The following RBFOX1 variants were observed in gnomAD, a reference collection of about 807,000 sequenced individuals.
RBFOX1 encodes the protein RNA binding protein fox-1 homolog 1.
Under a neutral mutation model 57.7 loss-of-function variants are expected in RBFOX1, and 8 were observed. The ratio of observed to expected loss-of-function variants is 0.14; its 90% CI spans 0.08 to 0.25. The LOEUF (loss-of-function observed/expected upper bound fraction) is 0.25, where lower values mean the gene tolerates loss of function less well. RBFOX1 is among the 10% of genes least tolerant of loss of function. The pLI is 1.00. For synonymous variants in RBFOX1, 326 were observed against 222.4 expected (o/e 1.47, Z -4.15); for missense variants, 611 against 548.5 (o/e 1.11, Z -1.14).
chr16:6,792,555 A>G (rs897554103), intron 3 of RBFOX1, among the ~76,000 whole-genome samples: 3 of 152,200 alleles, frequency 2.0e-5, no homozygotes. Context: ...AGATGTCCCC[A>G]TGTACACTCA....
chr16:5,645,007 G>A (rs1308917945), intron 3 of RBFOX1, among the ~76,000 whole-genome samples: 1 of 151,694 alleles, frequency 6.6e-6, no homozygotes, highest in Non-Finnish European at 1.5e-5. Flanking sequence ...AGGCTGAGGC[G>A]AGTGGATCAC....
At chr16:5,918,087 G>C (rs2058747454) in intron 4 of RBFOX1, among the ~76,000 whole-genome samples, 1 of 152,136 alleles carries the variant, frequency 6.6e-6, no homozygotes, top group Admixed American at 6.5e-5. Context: ...ACAGCCTGCA[G>C]TTCTCTTAAC....
At chr16:5,991,783 C>G (rs2060404668) in intron 4 of RBFOX1, among the ~76,000 whole-genome samples, 1 of 151,718 alleles carries the variant, frequency 6.6e-6, no homozygotes, top group Non-Finnish European at 1.5e-5. Flanking sequence ...ACAATGTTGC[C>G]TGGGATTGAT....
At chr16:5,254,773 C>T (rs531073230) in intron 1 of RBFOX1, among the ~76,000 whole-genome samples, 1 of 152,086 alleles carries the variant, frequency 6.6e-6, no homozygotes, top group African/African-American at 2.4e-5. Flanking sequence ...GGTGAAGATA[C>T]CCAGTGGGCA....
intron 3 of RBFOX1, among the ~76,000 whole-genome samples, chr16:6,845,564 G>A (rs867063524): frequency 3.9e-5 from 6 of 152,130 alleles, no homozygotes; most frequent in African/African-American, 1.2e-4. Context: ...CCAGTGCCAT[G>A]CTGTTTTGGT....
chr16:5,901,941 C>T lies in RBFOX1; in HGVS notation c.351+34606C>T, dbSNP rs77409310. ...CCTTCTTTGGTTCTCCACCTAGAAG[C>T]GACTTATCCTACGTCTAAACTCTCA... On this transcript the variant is annotated intron_variant, in intron 4 of 19. Transcript: ENST00000641259. 6.3e-3 allele frequency among the ~76,000 whole-genome samples: 960 copies of T among 152,244 alleles called. 8 individuals are homozygous for T. The highest frequency in any genetic ancestry group is 0.022 in the African/African-American group (904 of 41,528).
At chr16:6,881,505 G>A (rs184371247) in intron 3 of RBFOX1, among the ~76,000 whole-genome samples, 95 of 152,268 alleles carry the variant, frequency 6.2e-4, no homozygotes, top group Admixed American at 1.8e-3. Context: ...GAGAGCCTGT[G>A]TATCTTTACA....
intron 4 of RBFOX1, among the ~76,000 whole-genome samples, chr16:7,424,082 T>C (rs1166086822): frequency 1.3e-5 from 2 of 152,210 alleles, no homozygotes; most frequent in African/African-American, 2.4e-5. Flanking sequence ...CTTTGGTTTA[T>C]TCTGAGTCTC....
chr16:6,775,487 T>TA (rs1272866850), intron 3 of RBFOX1, among the ~76,000 whole-genome samples: 1 of 152,044 alleles, frequency 6.6e-6, no homozygotes, highest in East Asian at 1.9e-4. Flanking sequence ...GTGATAAGAT[T>TA]AAAAATGAAT....
upstream of RBFOX1, among the ~76,000 whole-genome samples, chr16:6,017,227 A>G (rs1238451353): frequency 1.3e-5 from 2 of 152,266 alleles, no homozygotes; most frequent in Non-Finnish European, 2.9e-5. Flanking sequence ...GGAATAAAAA[A>G]TGAAGGAGAA....
chr16:6,030,705 G>C (rs2095275773), intron 1 of RBFOX1, among the ~76,000 whole-genome samples: 1 of 152,208 alleles, frequency 6.6e-6, no homozygotes, highest in African/African-American at 2.4e-5. Context: ...TTGGTATCTT[G>C]AGCTAGACCT....
intron 1 of RBFOX1, among the ~76,000 whole-genome samples, chr16:5,416,945 G>A: frequency 6.6e-6 from 1 of 152,158 alleles, no homozygotes; most frequent in East Asian, 1.9e-4. Context: ...ATGGCTTATG[G>A]AACAGGGCAC....
At chr16:6,598,142 C>T (rs2097796232) in intron 2 of RBFOX1, among the ~76,000 whole-genome samples, 2 of 152,216 alleles carry the variant, frequency 1.3e-5, no homozygotes, top group Admixed American at 6.5e-5. Context: ...ACATCCGTGT[C>T]TTCACACACA....
chr16:5,708,796 G>C (rs1182271687), intron 3 of RBFOX1, among the ~76,000 whole-genome samples: 1 of 152,188 alleles, frequency 6.6e-6, no homozygotes, highest in South Asian at 2.1e-4. Flanking sequence ...GAAAGAAGTA[G>C]CTGTGAGATG....
intron 2 of RBFOX1, among the ~76,000 whole-genome samples, chr16:5,583,399 C>G (rs1221793696): frequency 1.3e-5 from 2 of 152,202 alleles, no homozygotes; most frequent in African/African-American, 4.8e-5. Context: ...ACTTCAACCA[C>G]TTGTAGACTG....
At chr16:6,389,544 C>T (rs1364730798) in intron 2 of RBFOX1, among the ~76,000 whole-genome samples, 1 of 152,106 alleles carries the variant, frequency 6.6e-6, no homozygotes, top group East Asian at 1.9e-4. Context: ...AATGAAGGTC[C>T]ACTTAGTCCA....
At chr16:5,491,322 G>A (rs1342061536) in intron 2 of RBFOX1, among the ~76,000 whole-genome samples, 2 of 152,196 alleles carry the variant, frequency 1.3e-5, no homozygotes, top group South Asian at 4.2e-4. Flanking sequence ...CCTCCCAAGC[G>A]CCACCTGACT....
At chr16:5,810,834 C>G (rs1309344709) in intron 3 of RBFOX1, among the ~76,000 whole-genome samples, 1 of 152,106 alleles carries the variant, frequency 6.6e-6, no homozygotes, top group African/African-American at 2.4e-5. Context: ...CAAATTGCCT[C>G]AACTGGGAAT....
intron 3 of RBFOX1, among the ~76,000 whole-genome samples, chr16:6,792,371 A>G (rs2083138463): frequency 6.6e-6 from 1 of 152,214 alleles, no homozygotes; most frequent in Admixed American, 6.5e-5. Context: ...ATAATTGCAT[A>G]TCTTTATGCA....
Sources: allele counts gnomAD v4.1 joint callset (sites outside exome capture counted in the v4.1 genomes callset), GRCh38; gene constraint gnomAD v4.1.1; transcripts MANE v1.5; gene names NCBI Gene and HGNC (gene_info 2026-07-23, HGNC 2026-07-21).